NKAIN3: variants seen among roughly 807,000 people sequenced by gnomAD.
NKAIN3 encodes sodium/potassium-transporting ATPase subunit beta-1-interacting protein 3.
Under a neutral mutation model 30.2 loss-of-function variants are expected in NKAIN3, and 25 were observed. That is an observed-to-expected ratio of 0.83 (90% confidence interval 0.60 to 1.16). NKAIN3 has a LOEUF of 1.16. Among genes scored for constraint, NKAIN3 ranks in the 50% most tolerant of loss-of-function variants. The probability of loss-of-function intolerance (pLI) is 0.00; values close to 1 mark genes in which losing one functional copy is unlikely to be tolerated. For synonymous variants in NKAIN3, 91 were observed against 89.6 expected, an observed-to-expected ratio of 1.02 and a Z score of -0.09; for missense variants, 225 against 254.1, an observed-to-expected ratio of 0.89 and a Z score of 0.78.
At chr8:62,380,745 A>C (rs556132764) in intron 1 of NKAIN3, among the ~76,000 whole-genome samples, 1 of 152,210 alleles carries the variant, frequency 6.6e-6, no homozygotes, top group Non-Finnish European at 1.5e-5. Flanking sequence ...AAACAAAGGA[A>C]AAGCTCTCAA....
At chr8:62,991,405 C>T (rs192205802) in intron 5 of NKAIN3, among the ~76,000 whole-genome samples, 52 of 152,344 alleles carry the variant, frequency 3.4e-4, no homozygotes, top group African/African-American at 1.1e-3. Flanking sequence ...GGACACTGCA[C>T]TCTTCCTCTG....
chr8:62,419,661 A>G (rs548622465), intron 1 of NKAIN3, among the ~76,000 whole-genome samples: 22 of 152,298 alleles, frequency 1.4e-4, no homozygotes, highest in Non-Finnish European at 2.1e-4. Flanking sequence ...GTCTGCTCTC[A>G]TGGCTACTCT....
intron 1 of NKAIN3, among the ~76,000 whole-genome samples, chr8:62,428,910 A>G (rs1014358881): frequency 2.0e-5 from 3 of 151,888 alleles, no homozygotes; most frequent in Admixed American, 1.3e-4. Context: ...GCCCAAATCA[A>G]TGATCTGGAG....
intron 3 of NKAIN3, among the ~76,000 whole-genome samples, chr8:62,629,951 C>T (rs1408989380): frequency 6.6e-6 from 1 of 151,978 alleles, no homozygotes; most frequent in African/African-American, 2.4e-5. Context: ...TTTTACTTTC[C>T]ATGGTTCCAG....
In NKAIN3 at chr8:62,569,739, G is replaced by T. The variant is rs145159611; in HGVS notation, c.55-9800G>T. Among the ~76,000 whole-genome samples, 636 of 150,466 alleles carry T rather than the reference G, an allele frequency of 4.2e-3. 2 individuals carry two copies. Among genetic ancestry groups the T allele is most frequent in the African/African-American group, 0.014 (589 of 40,860 alleles). On this transcript the variant is annotated intron_variant, in intron 1 of 6. Coordinates refer to ENST00000623646, the MANE Select transcript of NKAIN3 (RefSeq NM_001304533.3). Reference sequence around the variant, plus strand: ...TGCAGTGAGTCAAGATTGCAACACTGTACTCCAGTCTGGGCAGTAGAGTGA... The same window carrying T: ...TGCAGTGAGTCAAGATTGCAACACTTTACTCCAGTCTGGGCAGTAGAGTGA...
chr8:62,877,766 C>T (rs923315192), intron 4 of NKAIN3, among the ~76,000 whole-genome samples: 5 of 152,212 alleles, frequency 3.3e-5, no homozygotes, highest in South Asian at 4.1e-4. Flanking sequence ...TCAGGCCAGG[C>T]GCAGTGGCTC....
chr8:62,321,174 C>CA (rs1814881967), intron 1 of NKAIN3, among the ~76,000 whole-genome samples: 1 of 152,208 alleles, frequency 6.6e-6, no homozygotes, highest in Admixed American at 6.5e-5. Context: ...GCCATGGTTT[C>CA]AAGCTCCATC....
chr8:62,360,448 C>T (rs928151294), intron 1 of NKAIN3, among the ~76,000 whole-genome samples: 14 of 152,172 alleles, frequency 9.2e-5, no homozygotes, highest in Admixed American at 2.6e-4. Flanking sequence ...TCACTGTCCT[C>T]TTAATGAAGT....
chr8:62,901,359 A>T (rs951861328), intron 4 of NKAIN3, among the ~76,000 whole-genome samples: 1 of 152,174 alleles, frequency 6.6e-6, no homozygotes, highest in African/African-American at 2.4e-5. Context: ...GCTACTTCCC[A>T]CATGGGAAGC....
In NKAIN3 at chr8:62,854,657, A is replaced by G. The variant is rs143768161; in HGVS notation, c.472-63796A>G. On this transcript the variant is annotated intron_variant, in intron 4 of 6. Transcript: ENST00000623646. The stretch of plus-strand genomic sequence containing the variant: ...ATCTTGATTCTTTATCTGGTTTGCC[A>G]TTCTGTGTCTTTTAATTGGGGCATG... Among the ~76,000 whole-genome samples the G allele has an allele frequency of 1.8e-3, 269 of 152,234 alleles. 1 individual carries two copies. In the Middle Eastern group the frequency reaches 0.02, roughly 12 times the overall value.
At chr8:62,274,097 C>A (rs9643536) in intron 1 of NKAIN3, among the ~76,000 whole-genome samples, 92,405 of 152,006 alleles carry the variant, frequency 0.61, 28,242 homozygotes, top group East Asian at 0.68. Context: ...TATTTGATGC[C>A]TATGGCTGGA....
rs548104620 is a variant in NKAIN3 at position 62,706,930 on chromosome 8, C to T, written c.274-40002C>T. 2.1e-3 allele frequency among the ~76,000 whole-genome samples: 317 copies of T among 152,062 alleles called. 4 individuals carry two copies. The highest frequency in any genetic ancestry group is 0.01 in the Middle Eastern group (3 of 294). On this transcript the variant is annotated intron_variant, in intron 3 of 6. Transcript: ENST00000623646. The stretch of plus-strand genomic sequence containing the variant: ...GCTCCCACATATCAGTGAGAACGTA[C>T]GACATTTGAGTGTCCATTCCTGAGT...
At chr8:62,594,436 G>C (rs964785913) in intron 3 of NKAIN3, among the ~76,000 whole-genome samples, 6 of 151,918 alleles carry the variant, frequency 3.9e-5, no homozygotes, top group Admixed American at 1.3e-4. Flanking sequence ...TCACTCCCAG[G>C]CTCTTTGCTA....
chr8:62,810,085 C>T (rs776138019), intron 4 of NKAIN3, among the ~76,000 whole-genome samples: 21 of 152,074 alleles, frequency 1.4e-4, no homozygotes, highest in African/African-American at 1.9e-4. Flanking sequence ...CTGAGCAAGC[C>T]GCTCTTCTTC....
intron 1 of NKAIN3, among the ~76,000 whole-genome samples, chr8:62,449,224 G>A (rs1271326111): frequency 6.6e-6 from 1 of 151,962 alleles, no homozygotes; most frequent in African/African-American, 2.4e-5. Flanking sequence ...GCACACTGTG[G>A]CATCATGGAA....
intron 4 of NKAIN3, among the ~76,000 whole-genome samples, chr8:62,876,388 T>C (rs1049635282): frequency 3.9e-5 from 6 of 152,176 alleles, no homozygotes; most frequent in Non-Finnish European, 8.8e-5. Context: ...GTTCAACCAT[T>C]GTAGAAGACA....
At position 62,801,823 on chromosome 8, in the gene NKAIN3, G is replaced by A. The variant is rs541400952; in HGVS notation, c.471+54694G>A. Among the ~76,000 whole-genome samples, 17 of 152,340 alleles carry A rather than the reference G, an allele frequency of 1.1e-4. No homozygotes were observed. In the South Asian group the frequency reaches 3.5e-3, roughly 32 times the overall value. The stretch of plus-strand genomic sequence containing the variant: ...GCTTCAGACAATCAAACTACTCCGA[G>A]TTACAGGAGGAAATTCAAACCAAAG... On this transcript the variant is annotated intron_variant, in intron 4 of 6. Coordinates refer to ENST00000623646, the MANE Select transcript of NKAIN3 (RefSeq NM_001304533.3).
At chr8:62,672,039 A>G (rs1350501507) in intron 3 of NKAIN3, among the ~76,000 whole-genome samples, 2 of 152,204 alleles carry the variant, frequency 1.3e-5, no homozygotes, top group African/African-American at 4.8e-5. Flanking sequence ...CTCTGGAGCA[A>G]TAATGGCCTC....
intron 4 of NKAIN3, among the ~76,000 whole-genome samples, chr8:62,788,161 A>G (rs1170416018): frequency 6.6e-6 from 1 of 152,226 alleles, no homozygotes; most frequent in African/African-American, 2.4e-5. Flanking sequence ...CCAACAGTGT[A>G]AAAGTGTTCC....
Sources: gnomAD v4.1 joint callset for allele counts (sites outside exome capture counted in the v4.1 genomes callset) on GRCh38, gnomAD v4.1.1 for gene constraint, MANE v1.5 for transcripts, NCBI Gene and HGNC (gene_info 2026-07-23, HGNC 2026-07-21) for gene names.